RGL1: variants seen among roughly 807,000 people sequenced by gnomAD.
The protein encoded by RGL1 is ral guanine nucleotide dissociation stimulator-like 1.
In RGL1, 24 loss-of-function variants were observed where a neutral mutation model predicts 95.2. The observed-to-expected ratio is 0.25, with a 90% CI of 0.18 to 0.35. RGL1 has a LOEUF of 0.35. Among genes scored for constraint, RGL1 ranks in the 10% least tolerant of loss-of-function variants. RGL1 has a pLI of 1.00. For synonymous variants in RGL1, 329 were observed against 344.9 expected (o/e 0.95, Z 0.51); for missense variants, 715 against 936.3 (o/e 0.76, Z 3.08).
chr1:183,803,540 T>A (rs1379443858), upstream of RGL1, among the ~76,000 whole-genome samples: 1 of 152,208 alleles, frequency 6.6e-6, no homozygotes, highest in Non-Finnish European at 1.5e-5. Flanking sequence ...GGTGAGTAGC[T>A]CTGAAACCTG....
chr1:183,916,921 A>T (rs984045608), intron 16 of RGL1, among the ~76,000 whole-genome samples: 1 of 152,200 alleles, frequency 6.6e-6, no homozygotes, highest in Non-Finnish European at 1.5e-5. Flanking sequence ...ATGCACACAC[A>T]TGGTGTATAT....
intron 1 of RGL1, among the ~76,000 whole-genome samples, chr1:183,674,484 T>A (rs1652688267): frequency 6.6e-6 from 1 of 152,216 alleles, no homozygotes; most frequent in Non-Finnish European, 1.5e-5. Flanking sequence ...GCAACCTTTT[T>A]ACTCTGAGAC....
At chr1:183,800,793 G>A (rs1373033607), upstream of RGL1, among the ~76,000 whole-genome samples, 1 of 152,130 alleles carries the variant, frequency 6.6e-6, no homozygotes, top group Non-Finnish European at 1.5e-5. Flanking sequence ...TTAGAGTAAT[G>A]TCCTCAAGGT....
chr1:183,885,949 GT>G lies in RGL1; in HGVS notation c.951+1022del, dbSNP rs914052100. Among the ~76,000 whole-genome samples the G allele has an allele frequency of 5.3e-3, 780 of 147,094 alleles. 4 individuals are homozygous for G. Among genetic ancestry groups the G allele is most frequent in the Middle Eastern group, 0.021 (6 of 286 alleles). ...TTTTTGGTATTTGAAGATTAGAGAG[GT>G]TTTTTTTTTTCTAGGCAAAAGAAAT... On this transcript the variant is annotated intron_variant, in intron 7 of 17. Transcript: ENST00000360851.
At chr1:183,758,733 T>C (rs1658497581) in intron 2 of RGL1, among the ~76,000 whole-genome samples, 2 of 152,278 alleles carry the variant, frequency 1.3e-5, no homozygotes, top group South Asian at 4.1e-4. Context: ...CTCTGCCTCC[T>C]AATATCATCA....
rs562991443 is a variant in RGL1, at chr1:183,922,525, C to T, written c.2119+189C>T. Among the ~76,000 whole-genome samples the T allele has an allele frequency of 6.8e-4, 104 of 152,310 alleles. 1 individual carries two copies. The highest frequency in any genetic ancestry group is 6.8e-3 in the Middle Eastern group (2 of 294). ...ACTTGTGGAATTAAGTATCTCAAAC[C>T]GCTCTCCGATTCCCCAGCTCTTGTT... On this transcript the variant is annotated intron_variant, in intron 17 of 17. Transcript: ENST00000360851.
chr1:183,670,904 T>G (rs1020859951), intron 1 of RGL1, among the ~76,000 whole-genome samples: 18 of 152,252 alleles, frequency 1.2e-4, no homozygotes, highest in African/African-American at 4.3e-4. Context: ...GCTATCGTAT[T>G]AGTCCATTTT....
chr1:183,884,825 A>G lies in RGL1; in HGVS notation c.838A>G (p.Ile280Val), dbSNP rs1449870384. The stretch of plus-strand genomic sequence containing the variant: ...TTTGGCTCCTACGATCCGTGCCACC[A>G]TCTCTCAGTTTAATACCCTCACCAA... Reference protein sequence around the residue: ...KHLAPTIRATISQFNTLTKCV... With the variant: ...KHLAPTIRATVSQFNTLTKCV... Residue 280 changes from isoleucine (I) to valine (V), a missense_variant, in exon 7 of 18, where the codon ATC becomes GTC. By Grantham distance (29) the Ile-to-Val change is conservative. Around this residue, in one of 3 missense-constraint regions of RGL1, gnomAD observed 381 missense variants for 484.8 expected, o/e 0.79. Coordinates refer to ENST00000360851, the MANE Select transcript of RGL1 (RefSeq NM_001297671.3). 6.2e-7 allele frequency: 1 copy of G among 1,614,052 alleles called. No homozygotes were observed. Among genetic ancestry groups the G allele is most frequent in the African/African-American group, 1.3e-5 (1 of 74,936 alleles).
At chr1:183,808,687 T>A (rs1283246839) in intron 2 of RGL1, among the ~76,000 whole-genome samples, 1 of 151,954 alleles carries the variant, frequency 6.6e-6, no homozygotes, top group Non-Finnish European at 1.5e-5. Flanking sequence ...GAGAGTGGGG[T>A]CAGGTGAGGA....
chr1:183,915,617 T>A (rs1209973151), intron 15 of RGL1, among the ~76,000 whole-genome samples: 1 of 152,244 alleles, frequency 6.6e-6, no homozygotes, highest in Non-Finnish European at 1.5e-5. Context: ...ATATTCTGAA[T>A]CTTATTCTCC....
intron 1 of RGL1, chr1:183,648,215 T>C (rs1186628269): frequency 6.2e-7 from 1 of 1,614,194 alleles, no homozygotes; most frequent in African/African-American, 1.3e-5. Flanking sequence ...TCCCACCACT[T>C]ATTGGACTCA....
chr1:183,906,821 A>G (rs938158421), intron 13 of RGL1, among the ~76,000 whole-genome samples, 191 bp from the exon 14 acceptor site: 4 of 152,242 alleles, frequency 2.6e-5, no homozygotes, highest in Non-Finnish European at 2.9e-5. Flanking sequence ...GAGGAAGCAC[A>G]TAAGATAAAT....
At chr1:183,665,948 T>G (rs2102038323) in intron 1 of RGL1, among the ~76,000 whole-genome samples, 1 of 152,036 alleles carries the variant, frequency 6.6e-6, no homozygotes, top group Non-Finnish European at 1.5e-5. Context: ...TTTGCTGTGC[T>G]TTTTCTAGTT....
intron 5 of RGL1, among the ~76,000 whole-genome samples, chr1:183,883,137 C>T (rs918644339): frequency 1.3e-5 from 2 of 152,140 alleles, no homozygotes; most frequent in African/African-American, 2.4e-5. Flanking sequence ...TATTCGGAAT[C>T]CTGGGTACTG....
chr1:183,884,676 A>G (rs1484107055), intron 6 of RGL1, 47 bp from the exon 7 acceptor site: 4 of 1,517,058 alleles, frequency 2.6e-6, no homozygotes, highest in Admixed American at 1.7e-5. Context: ...GCTTTGCCAT[A>G]TGAAATGTCT....
At chr1:183,769,555 A>G (rs1659170253) in intron 2 of RGL1, among the ~76,000 whole-genome samples, 1 of 152,266 alleles carries the variant, frequency 6.6e-6, no homozygotes, top group Non-Finnish European at 1.5e-5. Flanking sequence ...TAGACACAAC[A>G]TATAACATAA....
At chr1:183,915,720 T>C (rs558656772) in intron 15 of RGL1, among the ~76,000 whole-genome samples, 1 of 152,344 alleles carries the variant, frequency 6.6e-6, no homozygotes, top group South Asian at 2.1e-4. Context: ...AGCCTCACAG[T>C]ACTAAACATA....
Position 183,877,811 on chromosome 1 carries a change from A to G in RGL1, c.426-2805A>G, listed in dbSNP as rs549265234. Among the ~76,000 whole-genome samples the G allele has an allele frequency of 6.1e-4, 93 of 152,338 alleles. 1 individual carries two copies. Among genetic ancestry groups the G allele is most frequent in the African/African-American group, 2.2e-3 (93 of 41,580 alleles). ...TAGATCGCCAGAGTTCATTAAAAACATCAGATTGAGGAACACAAAATGTCC... is the reference window on the plus strand; with the variant it reads ...TAGATCGCCAGAGTTCATTAAAAACGTCAGATTGAGGAACACAAAATGTCC... On this transcript the variant is annotated intron_variant, in intron 4 of 17. Coordinates refer to ENST00000360851, the MANE Select transcript of RGL1 (RefSeq NM_001297671.3).
At chr1:183,817,440 T>C (rs934999061) in intron 2 of RGL1, among the ~76,000 whole-genome samples, 1 of 152,182 alleles carries the variant, frequency 6.6e-6, no homozygotes, top group Non-Finnish European at 1.5e-5. Context: ...GTGAGTTCCT[T>C]TTTTTGTTCC....
Sources: gnomAD v4.1 joint callset for allele counts (sites outside exome capture counted in the v4.1 genomes callset) on GRCh38, gnomAD v4.1.1 for gene constraint, gnomAD v4.1.1 regional missense constraint, MANE v1.5 for transcripts, NCBI Gene and HGNC (gene_info 2026-07-23, HGNC 2026-07-21) for gene names.